The following SPATA13 variants were observed in gnomAD, a reference collection of about 807,000 sequenced individuals.
SPATA13 encodes the protein spermatogenesis associated 13, also known as spermatogenesis-associated protein 13.
In SPATA13, 50 loss-of-function variants were observed where a neutral mutation model predicts 104.0. That is an observed-to-expected ratio of 0.48 (90% CI 0.38 to 0.61). The LOEUF is 0.61. Ranked by LOEUF, SPATA13 falls within the 20% of genes least tolerant of loss-of-function variation. The pLI, the probability that SPATA13 is intolerant of heterozygous loss-of-function variation, is 0.00. For synonymous variants in SPATA13, 606 were observed against 667.5 expected, an observed-to-expected ratio of 0.91 and a Z score of 1.42; for missense variants, 1,524 against 1,690.6, an observed-to-expected ratio of 0.90 and a Z score of 1.73.
chr13:24,119,450 C>G (rs1469647816), intron 3 of SPATA13, among the ~76,000 whole-genome samples: 1 of 152,188 alleles, frequency 6.6e-6, no homozygotes, highest in Non-Finnish European at 1.5e-5. Flanking sequence ...CATATTTTTA[C>G]TCAGCAGCTG....
chr13:24,015,457 G>A (rs1480130305), intron 2 of SPATA13, among the ~76,000 whole-genome samples: 1 of 152,210 alleles, frequency 6.6e-6, no homozygotes, highest in Non-Finnish European at 1.5e-5. Flanking sequence ...TTCGGGGACA[G>A]CCCTGCTTCC....
chr13:24,020,479 G>T (rs1042237044), intron 3 of SPATA13, among the ~76,000 whole-genome samples: 9 of 152,066 alleles, frequency 5.9e-5, no homozygotes, highest in African/African-American at 2.2e-4. Context: ...ACCATTCTTG[G>T]CCCACAAACC....
At chr13:24,289,970 TAGTC>T (rs1348470912) in intron 8 of SPATA13, among the ~76,000 whole-genome samples, 3 of 152,294 alleles carry the variant, frequency 2.0e-5, no homozygotes, top group East Asian at 3.9e-4. Context: ...TGTGTTAAGT[TAGTC>T]AGCTGGAGGC....
chr13:24,202,724 G>A (rs1359639373), intron 1 of SPATA13, among the ~76,000 whole-genome samples: 4 of 150,632 alleles, frequency 2.7e-5, no homozygotes, highest in Non-Finnish European at 4.4e-5. Flanking sequence ...TTTTTCTTTT[G>A]TTCTTCATCT....
chr13:24,162,782 C>T (rs540363176), intron 1 of SPATA13, among the ~76,000 whole-genome samples: 5 of 152,310 alleles, frequency 3.3e-5, no homozygotes, highest in African/African-American at 1.2e-4. Flanking sequence ...AGGAGGTAAC[C>T]GGCATGGCTT....
chr13:24,104,132 G>T (rs1262398938), intron 3 of SPATA13, among the ~76,000 whole-genome samples: 1 of 152,062 alleles, frequency 6.6e-6, no homozygotes, highest in Admixed American at 6.6e-5. Flanking sequence ...GAGAATGTCC[G>T]TGTCAGTCTG....
intron 2 of SPATA13, among the ~76,000 whole-genome samples, chr13:24,227,715 C>T (rs1416711657): frequency 1.3e-5 from 2 of 151,992 alleles, no homozygotes; most frequent in East Asian, 1.9e-4. Context: ...AGATTACAAG[C>T]GTGTACTAAC....
intron 4 of SPATA13, among the ~76,000 whole-genome samples, chr13:24,256,578 A>T (rs1593467894): frequency 6.6e-6 from 1 of 150,890 alleles, no homozygotes. Context: ...TTTTTTTTTT[A>T]AAGAAATGAA....
At chr13:24,029,398 A>C (rs760429795) in intron 3 of SPATA13, among the ~76,000 whole-genome samples, 1 of 152,232 alleles carries the variant, frequency 6.6e-6, no homozygotes, top group Non-Finnish European at 1.5e-5. Context: ...TCAAGACCCA[A>C]ATCCATGTTA....
chr13:24,189,312 A>G (rs954115704), intron 1 of SPATA13, among the ~76,000 whole-genome samples: 5 of 151,758 alleles, frequency 3.3e-5, no homozygotes, highest in African/African-American at 1.2e-4. Context: ...TCTACTAGAA[A>G]TACTAAAAGT....
At chr13:24,151,490 C>T (rs1402739547) in intron 3 of SPATA13, among the ~76,000 whole-genome samples, 1 of 152,220 alleles carries the variant, frequency 6.6e-6, no homozygotes, top group Non-Finnish European at 1.5e-5. Flanking sequence ...TCATCATTTA[C>T]AACCAACTTA....
intron 2 of SPATA13, among the ~76,000 whole-genome samples, chr13:23,998,927 G>GATTTTTT (rs144157914): frequency 6.9e-6 from 1 of 145,816 alleles, no homozygotes; most frequent in Non-Finnish European, 1.5e-5. Flanking sequence ...CACTAACTTT[G>GATTTTTT]GTTTTTTTTT....
intron 3 of SPATA13, among the ~76,000 whole-genome samples, chr13:24,068,312 A>T (rs915690968): frequency 1.4e-4 from 22 of 152,246 alleles, no homozygotes; most frequent in African/African-American, 5.3e-4. Flanking sequence ...CCTACAGAAG[A>T]CATGATCTTG....
intron 2 of SPATA13, among the ~76,000 whole-genome samples, chr13:24,245,966 G>A (rs994891905): frequency 1.3e-5 from 2 of 152,038 alleles, no homozygotes; most frequent in African/African-American, 2.4e-5. Context: ...AGTCCTGCCC[G>A]CTGCTGTCTA....
chr13:24,174,509 T>A (rs1465321865), intron 1 of SPATA13, among the ~76,000 whole-genome samples: 1 of 152,136 alleles, frequency 6.6e-6, no homozygotes, highest in Non-Finnish European at 1.5e-5. Flanking sequence ...ATTCCACACA[T>A]TTTTATGTGT....
chr13:24,042,088 C>T (rs1400473381), intron 3 of SPATA13, among the ~76,000 whole-genome samples: 2 of 151,878 alleles, frequency 1.3e-5, no homozygotes, highest in Non-Finnish European at 2.9e-5. Context: ...CTAGGGGCAG[C>T]GCAAGCTCCC....
At chr13:24,067,345 AC>A (rs1879001191) in intron 3 of SPATA13, among the ~76,000 whole-genome samples, 1 of 146,718 alleles carries the variant, frequency 6.8e-6, no homozygotes, top group Non-Finnish European at 1.5e-5. Flanking sequence ...ATATGTATGT[AC>A]CCTTTGTAAG....
rs1873995535 is a variant in SPATA13 at position 24,260,249 on chromosome 13, A to C, written c.2164+8387A>C. On this transcript the variant is annotated intron_variant, in intron 4 of 12. Coordinates refer to ENST00000382108, the MANE Select transcript of SPATA13 (RefSeq NM_001166271.3). The stretch of plus-strand genomic sequence containing the variant: ...AGGGAGTTAGATTAAGTTTGTTGTT[A>C]GGGGTAGTGTGTTCCAGGCAAAAAG... Among the ~76,000 whole-genome samples the C allele has an allele frequency of 3.3e-5, 5 of 152,222 alleles. No individual in the cohort carries two copies. In the South Asian group the frequency reaches 1.0e-3, roughly 31 times the overall value.
At chr13:24,174,772 T>C (rs778451272) in intron 1 of SPATA13, among the ~76,000 whole-genome samples, 84 of 152,144 alleles carry the variant, frequency 5.5e-4, no homozygotes, top group Non-Finnish European at 9.7e-4. Flanking sequence ...AGAGACAGGG[T>C]TTCACCATGT....
Sources: allele counts gnomAD v4.1 joint callset (sites outside exome capture counted in the v4.1 genomes callset), GRCh38; gene constraint gnomAD v4.1.1; transcripts MANE v1.5; gene names NCBI Gene and HGNC (gene_info 2026-07-23, HGNC 2026-07-21).